Variants in ZNF800 observed in about 807,000 individuals in gnomAD.
ZNF800 encodes the protein zinc finger protein 800.
In ZNF800, 13 loss-of-function variants were observed where a neutral mutation model predicts 59.5. That is an observed-to-expected ratio of 0.22 (90% confidence interval 0.14 to 0.35). The LOEUF (loss-of-function observed/expected upper bound fraction) is 0.35. ZNF800 is among the 10% of genes least tolerant of loss of function. The pLI is 1.00. For missense variants in ZNF800, 621 were observed against 783.7 expected, an observed-to-expected ratio of 0.79 and a Z score of 2.48; for synonymous variants, 266 against 265.7, an observed-to-expected ratio of 1.00 and a Z score of -0.01.
At chr7:127,364,381 G>C (rs1800459831) in intron 1 of ZNF800, 1 of 152,096 alleles carries the variant, frequency 6.6e-6, no homozygotes, top group African/African-American at 2.4e-5. Flanking sequence ...GATGCACTAG[G>C]AACTAGCTTG....
At chr7:127,372,719 A>C (rs1562903063) in intron 5 of ZNF800, 2 of 985,260 alleles carry the variant, frequency 2.0e-6, no homozygotes. Context: ...AGGAAAAAAA[A>C]TCCAAACTTC....
At chr7:127,362,206 GTTAT>G (rs1440604460) in intron 1 of ZNF800, 1 of 152,044 alleles carries the variant, frequency 6.6e-6, no homozygotes, top group African/African-American at 2.4e-5. Context: ...CTAGTAAGCT[GTTAT>G]TTGATTGGAA....
chr7:127,378,788 C>CA (rs1386960547), intron 3 of ZNF800, among the ~76,000 whole-genome samples: 1 of 151,490 alleles, frequency 6.6e-6, no homozygotes, highest in African/African-American at 2.4e-5. Flanking sequence ...AACTCTACTG[C>CA]AAAAAAGTTA....
rs1001725143 is a variant in ZNF800 at position 127,392,229 on chromosome 7, C to G, written c.-228G>C. The G allele has an allele frequency of 5.6e-5, 22 of 393,994 alleles. No homozygotes were observed. Among genetic ancestry groups the G allele is most frequent in the Non-Finnish European group, 7.6e-5 (17 of 223,044 alleles). 24.4% of individuals were successfully genotyped at this position (393,994 alleles called of 1,614,324 possible). A position where few individuals can be genotyped will look rare whatever the true frequency, so the allele number is the denominator to read the frequency against. On this transcript the variant is annotated 5_prime_UTR_variant, in exon 1 of 6. Coordinates refer to ENST00000265827, the MANE Select transcript of ZNF800 (RefSeq NM_176814.5). ...CGACGCGCTCCCAAAGAGTCCCCGC[C>G]GGCGCTGACGCGGAAGCGCCACAGC...
intron 3 of ZNF800, among the ~76,000 whole-genome samples, chr7:127,383,679 T>G (rs1484301341): frequency 6.6e-6 from 1 of 152,200 alleles, no homozygotes; most frequent in South Asian, 2.1e-4. Context: ...AGACATTAGA[T>G]TAACCAGAAA....
Position 127,392,147 on chromosome 7 carries a change from G to A in ZNF800, c.-146C>T. The A allele has an allele frequency of 2.5e-6, 1 of 394,750 alleles. No homozygotes were observed. The highest frequency in any genetic ancestry group is 4.5e-6 in the Non-Finnish European group (1 of 223,564). 24.5% of individuals were successfully genotyped at this position (394,750 alleles called of 1,614,324 possible). A position where few individuals can be genotyped will look rare whatever the true frequency, so the allele number is the denominator to read the frequency against. ...GGACAGCCTGGCGTGGGAGGCGGCTGCGGGCCCCACCTGGCGCAGCCTCCG... is the reference window on the plus strand; with the variant it reads ...GGACAGCCTGGCGTGGGAGGCGGCTACGGGCCCCACCTGGCGCAGCCTCCG... On this transcript the variant is annotated 5_prime_UTR_variant, in exon 1 of 6. Coordinates refer to ENST00000265827, the MANE Select transcript of ZNF800 (RefSeq NM_176814.5).
At chr7:127,348,578 A>G (rs1382815950) in intron 1 of ZNF800, among the ~76,000 whole-genome samples, 1 of 152,270 alleles carries the variant, frequency 6.6e-6, no homozygotes, top group Non-Finnish European at 1.5e-5. Context: ...ACTATATGCA[A>G]TGAAAAAAAT....
intron 5 of ZNF800, chr7:127,372,726 C>A: frequency 1.0e-6 from 1 of 985,278 alleles, no homozygotes; most frequent in Non-Finnish European, 1.2e-6. Context: ...AAAATCCAAA[C>A]TTCTATTTAC....
downstream of ZNF800, among the ~76,000 whole-genome samples, chr7:127,368,939 A>T (rs1800568983): frequency 6.6e-6 from 1 of 152,068 alleles, no homozygotes; most frequent in African/African-American, 2.4e-5. Flanking sequence ...ATACAAAACT[A>T]GACAAAAAAC....
At chr7:127,362,562 T>G (rs553098461) in intron 1 of ZNF800, 1 of 152,108 alleles carries the variant, frequency 6.6e-6, no homozygotes, top group African/African-American at 2.4e-5. Context: ...TCAACAGATA[T>G]GTTTTAAGTG....
downstream of ZNF800, among the ~76,000 whole-genome samples, chr7:127,343,414 GACA>G (rs1490094145): frequency 6.6e-6 from 1 of 151,544 alleles, no homozygotes; most frequent in Non-Finnish European, 1.5e-5. Context: ...ATTATATATA[GACA>G]ACAAATTTTA....
At chr7:127,390,097 T>C (rs960150137) in intron 2 of ZNF800, among the ~76,000 whole-genome samples, 1 of 152,080 alleles carries the variant, frequency 6.6e-6, no homozygotes, top group Non-Finnish European at 1.5e-5. Flanking sequence ...GTTAAAGAAA[T>C]GAATGATCAA....
intron 3 of ZNF800, among the ~76,000 whole-genome samples, chr7:127,385,113 T>C (rs1296398163): frequency 6.6e-6 from 1 of 152,194 alleles, no homozygotes; most frequent in Admixed American, 6.5e-5. Flanking sequence ...TTTATAACAA[T>C]TTAGAAACAA....
Position 127,374,629 on chromosome 7 carries a change from C to T in ZNF800, c.707G>A (p.Arg236Lys), listed in dbSNP as rs1800734608. Residue 236 changes from arginine (R) to lysine (K), a missense_variant, in exon 5 of 6, where the codon AGA (arginine) becomes AAA (lysine). Physicochemically the swap from Arg to Lys is conservative, Grantham distance 26. Coordinates refer to ENST00000265827, the MANE Select transcript of ZNF800 (RefSeq NM_176814.5). ...ACCTCGTCTAGAATTGAATTCTTTT[C>T]TACAAAGACAACATATCAACTGGTG... Reference protein sequence around the residue: ...FGHQLICCLCRKEFNSRRGVR... With the variant: ...FGHQLICCLCKKEFNSRRGVR... 1 of 1,613,918 alleles carries T rather than the reference C, an allele frequency of 6.2e-7. No homozygotes were observed. Among genetic ancestry groups the T allele is most frequent in the African/African-American group, 1.3e-5 (1 of 74,892 alleles).
At chr7:127,349,660 T>C (rs1227111923) in intron 1 of ZNF800, among the ~76,000 whole-genome samples, 1 of 152,170 alleles carries the variant, frequency 6.6e-6, no homozygotes, top group Non-Finnish European at 1.5e-5. Context: ...TTGGTAAAAA[T>C]TATCAGAAAT....
At chr7:127,364,385 T>A (rs1414250629) in intron 1 of ZNF800, 1 of 152,124 alleles carries the variant, frequency 6.6e-6, no homozygotes, top group Non-Finnish European at 1.5e-5. Flanking sequence ...CACTAGGAAC[T>A]AGCTTGGGCT....
At chr7:127,379,859 C>CCCCCCA (rs1554377179) in intron 3 of ZNF800, among the ~76,000 whole-genome samples, 6 of 79,018 alleles carry the variant, frequency 7.6e-5, no homozygotes, top group South Asian at 6.4e-4. Flanking sequence ...CCCACCCCCC[C>CCCCCCA]CACACACACA....
At chr7:127,382,244 T>A (rs548247373) in intron 3 of ZNF800, among the ~76,000 whole-genome samples, 14 of 152,298 alleles carry the variant, frequency 9.2e-5, no homozygotes, top group African/African-American at 3.4e-4. Context: ...TTTCCCCTCA[T>A]TTTTCTCTTT....
chr7:127,376,927 C>A (rs1044559448), intron 4 of ZNF800, among the ~76,000 whole-genome samples: 2 of 151,790 alleles, frequency 1.3e-5, no homozygotes, highest in Admixed American at 1.3e-4. Context: ...AAATAAATAT[C>A]CTCTTAAATC....
Sources: allele counts gnomAD v4.1 joint callset (sites outside exome capture counted in the v4.1 genomes callset), GRCh38; gene constraint gnomAD v4.1.1; transcripts MANE v1.5; gene names NCBI Gene and HGNC (gene_info 2026-07-23, HGNC 2026-07-21).